ESR2: variants seen among roughly 807,000 people sequenced by gnomAD.
ESR2 encodes estrogen receptor beta.
Under a neutral mutation model 49.6 loss-of-function variants are expected in ESR2, and 36 were observed. That is an observed-to-expected ratio of 0.73 (90% CI 0.56 to 0.96). The LOEUF (loss-of-function observed/expected upper bound fraction) is 0.96. Ranked by LOEUF, ESR2 falls within the 40% of genes least tolerant of loss-of-function variation. The pLI is 0.00. For synonymous variants in ESR2, 320 were observed against 266.1 expected (o/e 1.20, Z -1.97); for missense variants, 714 against 693.0 (o/e 1.03, Z -0.34).
intron 7 of ESR2, among the ~76,000 whole-genome samples, chr14:64,242,444 C>CAA (rs146972114): frequency 2.9e-4 from 35 of 121,480 alleles, no homozygotes; most frequent in African/African-American, 1.1e-3. Context: ...AACAAACAAA[C>CAA]AAAAAAAATA....
intron 1 of ESR2, among the ~76,000 whole-genome samples, chr14:64,285,837 A>AG (rs1247449535): frequency 3.4e-5 from 5 of 146,840 alleles, no homozygotes; most frequent in Non-Finnish European, 7.7e-5. Context: ...AAAAAAAAAA[A>AG]AAAAAGAAAA....
At chr14:64,291,017 A>G (rs1384637709) in intron 1 of ESR2, among the ~76,000 whole-genome samples, 1 of 152,196 alleles carries the variant, frequency 6.6e-6, no homozygotes, top group Admixed American at 6.5e-5. Flanking sequence ...CTCTCTCAAC[A>G]GCAAGTTTCT....
At chr14:64,295,269 T>G (rs1356423577), upstream of ESR2, among the ~76,000 whole-genome samples, 1 of 152,170 alleles carries the variant, frequency 6.6e-6, no homozygotes, top group Non-Finnish European at 1.5e-5. Flanking sequence ...GGGACATGGT[T>G]TTTGAGGGTT....
intron 1 of ESR2, among the ~76,000 whole-genome samples, chr14:64,290,816 T>C (rs748241106): frequency 1.3e-5 from 2 of 152,256 alleles, no homozygotes; most frequent in African/African-American, 2.4e-5. Context: ...CTGATTTGCA[T>C]GTAATTCTTA....
chr14:64,248,158 C>T (rs2075905791), intron 7 of ESR2, among the ~76,000 whole-genome samples: 1 of 152,074 alleles, frequency 6.6e-6, no homozygotes, highest in Non-Finnish European at 1.5e-5. Flanking sequence ...CGTGCCACTG[C>T]ATTCCAGCCT....
chr14:64,238,510 G>A (rs542935308), intron 7 of ESR2, among the ~76,000 whole-genome samples: 4 of 152,234 alleles, frequency 2.6e-5, no homozygotes, highest in South Asian at 2.1e-4. Flanking sequence ...TCAGCAGTGC[G>A]TGCCTGCACC....
intron 1 of ESR2, among the ~76,000 whole-genome samples, chr14:64,308,528 A>G (rs960422887): frequency 6.6e-6 from 1 of 152,128 alleles, no homozygotes; most frequent in African/African-American, 2.4e-5. Flanking sequence ...TAATTTAATT[A>G]TATTGTGGCC....
chr14:64,279,391 A>T (rs552105078), intron 3 of ESR2, among the ~76,000 whole-genome samples: 65 of 127,292 alleles, frequency 5.1e-4, no homozygotes, highest in African/African-American at 1.5e-3. Context: ...AAGTTGATTT[A>T]AAAAAAAAAA....
chr14:64,294,919 CCTCGAA>C (rs2076934723), upstream of ESR2, among the ~76,000 whole-genome samples: 2 of 152,228 alleles, frequency 1.3e-5, no homozygotes, highest in African/African-American at 4.8e-5. Context: ...CCAGGTACTT[CCTCGAA>C]CTCACTTGAA....
intron 2 of ESR2, among the ~76,000 whole-genome samples, chr14:64,281,544 T>C (rs2076668590): frequency 6.6e-6 from 1 of 152,156 alleles, no homozygotes; most frequent in Admixed American, 6.5e-5. Context: ...AGAAAAATAA[T>C]GGTGCAATGT....
chr14:64,257,300 T>G lies in ESR2; in HGVS notation c.1017A>C (p.Leu339Phe), dbSNP rs573246090. Residue 339 changes from leucine to phenylalanine, a missense_variant, in exon 6 of 9, where the codon TTA (leucine) becomes TTC (phenylalanine). Physicochemically the swap from Leu to Phe is conservative, Grantham distance 22. Coordinates refer to ENST00000341099, the MANE Select transcript of ESR2 (RefSeq NM_001437.3). Reference protein sequence around the residue: ...RLLESCWMEVLMMGLMWRSID... With the variant: ...RLLESCWMEVFMMGLMWRSID... Reference sequence around the variant, plus strand: ...TTGAGCGCCACATCAGCCCCATCATTAACACCTCCATCCAACAGCTCTCCA... The same window carrying G: ...TTGAGCGCCACATCAGCCCCATCATGAACACCTCCATCCAACAGCTCTCCA... 14 of 1,614,008 alleles carry G rather than the reference T, an allele frequency of 8.7e-6. No individual in the cohort carries two copies. The East Asian group carries it at 1.8e-4, about 21-fold the overall frequency.
intron 6 of ESR2, among the ~76,000 whole-genome samples, chr14:64,255,123 G>T (rs779498909): frequency 2.4e-4 from 36 of 151,916 alleles, no homozygotes; most frequent in Non-Finnish European, 4.0e-4. Context: ...AGAGTTAATT[G>T]TACTAAAAAC....
At chr14:64,320,085 A>G (rs563592859) in intron 1 of ESR2, among the ~76,000 whole-genome samples, 3 of 151,748 alleles carry the variant, frequency 2.0e-5, no homozygotes, top group African/African-American at 7.2e-5. Flanking sequence ...GCACAACAGA[A>G]TATTATTTGC....
At position 64,268,672 on chromosome 14, in the gene ESR2, C is replaced by T. The variant is rs201208686; in HGVS notation, c.652+123G>A. On this transcript the variant is annotated intron_variant, in intron 4 of 8. Coordinates refer to ENST00000341099, the MANE Select transcript of ESR2 (RefSeq NM_001437.3). ...GTCAATGCCCCCTCCAATGTGACAA[C>T]ACGCAAATACTTAATTACTATGTCC... 8 of 664,936 alleles carry T rather than the reference C, an allele frequency of 1.2e-5. No homozygotes were observed. In the East Asian group the frequency reaches 2.0e-4, roughly 17 times the overall value. 41.2% of individuals were successfully genotyped at this position (664,936 alleles called of 1,614,324 possible).
Position 64,276,897 on chromosome 14 carries a change from C to T in ESR2, c.535+3084G>A, listed in dbSNP as rs1387046153. Among the ~76,000 whole-genome samples the T allele has an allele frequency of 3.3e-5, 5 of 152,240 alleles. No homozygotes were observed. The South Asian group carries it at 1.0e-3, about 32-fold the overall frequency. ...ATCATATTCAAGGAATTGGTAAGTG[C>T]CACTAGTGAACAAAATGGACAAAAA... On this transcript the variant is annotated intron_variant, in intron 3 of 8. Coordinates refer to ENST00000341099, the MANE Select transcript of ESR2 (RefSeq NM_001437.3).
At chr14:64,332,942 T>A (rs1311785631) in intron 1 of ESR2, among the ~76,000 whole-genome samples, 1 of 146,630 alleles carries the variant, frequency 6.8e-6, no homozygotes, top group Non-Finnish European at 1.5e-5. Flanking sequence ...AGTGGCGCGA[T>A]CTCAGCTCAC....
At chr14:64,303,809 T>TA (rs2140870956) in intron 1 of ESR2, 1 of 152,342 alleles carries the variant, frequency 6.6e-6, no homozygotes, top group African/African-American at 2.4e-5. Flanking sequence ...ATGATTTGCT[T>TA]ACTATGTGCC....
intron 3 of ESR2, among the ~76,000 whole-genome samples, chr14:64,270,790 G>A (rs1055693149): frequency 4.6e-5 from 7 of 152,190 alleles, no homozygotes; most frequent in African/African-American, 1.7e-4. Flanking sequence ...GATTACAGGC[G>A]TGAGCCACCA....
rs567775031 is a variant in ESR2, at chr14:64,302,887, C to T, written c.-90-19812G>A. ...AATCTCGGCTCACTGCAACCTCCGC[C>T]TCCTGGGTTCAAGCGATTCTCCTGC... On this transcript the variant is annotated intron_variant, in intron 1 of 8. Coordinates refer to the ESR2 transcript ENST00000358599. Among the ~76,000 whole-genome samples the T allele has an allele frequency of 4.2e-4, 64 of 152,260 alleles. 1 individual carries two copies. In the South Asian group the frequency reaches 8.3e-3, roughly 20 times the overall value.
Sources: gnomAD v4.1 joint callset for allele counts (sites outside exome capture counted in the v4.1 genomes callset) on GRCh38, gnomAD v4.1.1 for gene constraint, MANE v1.5 for transcripts, NCBI Gene and HGNC (gene_info 2026-07-23, HGNC 2026-07-21) for gene names.